Variants in EYS observed in about 807,000 individuals in gnomAD.
The protein encoded by EYS is protein eyes shut homolog.
Under a neutral mutation model 282.1 loss-of-function variants are expected in EYS, and 250 were observed. That is an observed-to-expected ratio of 0.89 (90% CI 0.80 to 0.98). EYS has a LOEUF of 0.98. Ranked by LOEUF, EYS falls within the 50% of genes least tolerant of loss-of-function variation. EYS has a pLI of 0.00. For synonymous variants in EYS, 1,355 were observed against 1,282.9 expected (o/e 1.06, Z -1.20); for missense variants, 4,016 against 3,709.0 (o/e 1.08, Z -2.15).
At chr6:64,576,229 G>T (rs114449570) in intron 26 of EYS, among the ~76,000 whole-genome samples, 19 of 152,104 alleles carry the variant, frequency 1.2e-4, no homozygotes, top group African/African-American at 3.9e-4. Context: ...GTGAGAGTTC[G>T]CCAAAATCAT....
At chr6:64,310,903 A>ATCCCAGCACTTTGGAAGGCCGAG (rs1769670762) in intron 29 of EYS, among the ~76,000 whole-genome samples, 1 of 152,074 alleles carries the variant, frequency 6.6e-6, no homozygotes, top group African/African-American at 2.4e-5. Context: ...ATAATTTAAA[A>ATCCCAGCACTTTGGAAGGCCGAG]GCTCAAAGTT....
At chr6:64,228,844 T>C (rs1766329759) in intron 31 of EYS, among the ~76,000 whole-genome samples, 1 of 152,096 alleles carries the variant, frequency 6.6e-6, no homozygotes, top group South Asian at 2.1e-4. Context: ...AGTTACTCTA[T>C]GAAGTGTTAA....
intron 18 of EYS, among the ~76,000 whole-genome samples, chr6:64,891,483 C>T (rs1312889292): frequency 3.9e-5 from 6 of 151,984 alleles, no homozygotes; most frequent in Non-Finnish European, 8.8e-5. Flanking sequence ...TTGCACTTAA[C>T]GTTGGCCCTT....
chr6:64,748,685 C>T, intron 22 of EYS, among the ~76,000 whole-genome samples: 1 of 152,138 alleles, frequency 6.6e-6, no homozygotes, highest in Admixed American at 6.5e-5. Flanking sequence ...TTGTAATTAA[C>T]CAAGTGGGCT....
chr6:64,400,877 G>A (rs1773519756), intron 28 of EYS, among the ~76,000 whole-genome samples: 2 of 151,950 alleles, frequency 1.3e-5, no homozygotes, highest in Non-Finnish European at 2.9e-5. Context: ...TGATTGTTCA[G>A]GTTTGTCATT....
chr6:64,112,815 A>C (rs1292041686), intron 31 of EYS, among the ~76,000 whole-genome samples: 2 of 150,466 alleles, frequency 1.3e-5, no homozygotes, highest in Non-Finnish European at 3.0e-5. Flanking sequence ...CTCTCTATAT[A>C]TATCTTCAGG....
At chr6:65,035,385 A>G (rs1772735344) in intron 13 of EYS, among the ~76,000 whole-genome samples, 1 of 152,028 alleles carries the variant, frequency 6.6e-6, no homozygotes, top group Non-Finnish European at 1.5e-5. Context: ...AAAGGCATCC[A>G]AATAGGAAGA....
chr6:64,451,571 G>T (rs897593015), intron 26 of EYS, among the ~76,000 whole-genome samples: 1 of 152,256 alleles, frequency 6.6e-6, no homozygotes, highest in South Asian at 2.1e-4. Context: ...GAGAATTTTA[G>T]ACCAATATCC....
chr6:64,544,848 A>G (rs1030450047), intron 26 of EYS, among the ~76,000 whole-genome samples: 1 of 152,180 alleles, frequency 6.6e-6, no homozygotes, highest in Non-Finnish European at 1.5e-5. Context: ...GAATAGACCA[A>G]TAACAGGCTC....
At chr6:65,376,072 T>A (rs1267256881) in intron 8 of EYS, among the ~76,000 whole-genome samples, 1 of 151,994 alleles carries the variant, frequency 6.6e-6, no homozygotes, top group Non-Finnish European at 1.5e-5. Context: ...GACAAATAAT[T>A]CTCAGATTCT....
At chr6:65,206,768 GA>G (rs1283427226) in intron 12 of EYS, among the ~76,000 whole-genome samples, 1 of 151,636 alleles carries the variant, frequency 6.6e-6, no homozygotes, top group Non-Finnish European at 1.5e-5. Context: ...AATTAAAAAC[GA>G]AAACCATTTG....
At chr6:64,463,378 C>A (rs1409388339) in intron 26 of EYS, among the ~76,000 whole-genome samples, 1 of 152,172 alleles carries the variant, frequency 6.6e-6, no homozygotes, top group Non-Finnish European at 1.5e-5. Flanking sequence ...CTGTAGTCAG[C>A]TATCCTTCTA....
intron 2 of EYS, among the ~76,000 whole-genome samples, chr6:65,541,700 T>A (rs116342124): frequency 0.014 from 2,098 of 152,110 alleles, 41 homozygotes; most frequent in African/African-American, 0.047. Context: ...CCTACCCTTG[T>A]CCCATGTGGA....
At chr6:64,271,623 T>C (rs974441217) in intron 30 of EYS, among the ~76,000 whole-genome samples, 3 of 152,174 alleles carry the variant, frequency 2.0e-5, no homozygotes, top group Non-Finnish European at 2.9e-5. Context: ...ATGTATTCTC[T>C]AAACTTTAAA....
At chr6:65,342,620 A>C (rs1199671009) in intron 10 of EYS, among the ~76,000 whole-genome samples, 1 of 150,650 alleles carries the variant, frequency 6.6e-6, no homozygotes, top group Non-Finnish European at 1.5e-5. Flanking sequence ...ATATAGATTT[A>C]AATTACCTCT....
intron 13 of EYS, among the ~76,000 whole-genome samples, chr6:65,049,976 T>C (rs1015174228): frequency 4.6e-5 from 7 of 151,630 alleles, no homozygotes; most frequent in Non-Finnish European, 1.0e-4. Context: ...ACAGAAAATA[T>C]AGTCAAATAT....
intron 1 of EYS, among the ~76,000 whole-genome samples, chr6:65,646,031 A>G (rs1020912217): frequency 8.5e-5 from 13 of 152,264 alleles, no homozygotes; most frequent in Admixed American, 2.6e-4. Context: ...TGAAATGGTA[A>G]TAAAAAAAAT....
intron 8 of EYS, among the ~76,000 whole-genome samples, chr6:65,360,402 C>T (rs910566660): frequency 1.3e-5 from 2 of 151,858 alleles, no homozygotes; most frequent in East Asian, 1.9e-4. Flanking sequence ...ATTCCTCTAG[C>T]TCTTCTAGGT....
intron 26 of EYS, among the ~76,000 whole-genome samples, chr6:64,529,864 G>T (rs1283523345): frequency 6.6e-6 from 1 of 152,044 alleles, no homozygotes; most frequent in East Asian, 1.9e-4. Context: ...AATGAAGATG[G>T]AGAAATAAAT....
Sources: allele counts gnomAD v4.1 joint callset (sites outside exome capture counted in the v4.1 genomes callset), GRCh38; gene constraint gnomAD v4.1.1; transcripts MANE v1.5; gene names NCBI Gene and HGNC (gene_info 2026-07-23, HGNC 2026-07-21).